LARP4B: variants seen among roughly 807,000 people sequenced by gnomAD.
LARP4B encodes the protein la-related protein 4B.
In LARP4B, 12 loss-of-function variants were observed where a neutral mutation model predicts 89.8. That is an observed-to-expected ratio of 0.13 (90% CI 0.09 to 0.22). The LOEUF is 0.22. Among genes scored for constraint, LARP4B ranks in the 10% least tolerant of loss-of-function variants. The pLI is 1.00. For synonymous variants in LARP4B, 367 were observed against 363.3 expected, an observed-to-expected ratio of 1.01 and a Z score of -0.12; for missense variants, 757 against 947.7, an observed-to-expected ratio of 0.80 and a Z score of 2.64.
At chr10:910,848 A>C (rs1427346786) in intron 1 of LARP4B, among the ~76,000 whole-genome samples, 1 of 152,188 alleles carries the variant, frequency 6.6e-6, no homozygotes, top group Non-Finnish European at 1.5e-5. Context: ...TTTCCTACTG[A>C]AAAGCACACA....
At chr10:870,442 GC>G (rs1835144608) in intron 3 of LARP4B, among the ~76,000 whole-genome samples, 1 of 152,164 alleles carries the variant, frequency 6.6e-6, no homozygotes. Flanking sequence ...GCGCTGCATC[GC>G]AGGGGGCACC....
intron 11 of LARP4B, 80 bp from the exon 12 acceptor site, chr10:825,950 A>G: frequency 1.1e-6 from 1 of 914,584 alleles, no homozygotes; most frequent in South Asian, 1.5e-5. Context: ...ATCTGTGGAA[A>G]CTGAGGGCAT....
chr10:834,024 C>A (rs1219510544), intron 8 of LARP4B, among the ~76,000 whole-genome samples: 6 of 151,988 alleles, frequency 3.9e-5, no homozygotes, highest in Admixed American at 3.9e-4. Flanking sequence ...AAAAGACATA[C>A]CATACTAATG....
In LARP4B at chr10:863,742, C is replaced by A. The variant is rs1404665129; in HGVS notation, c.430+1G>T. 1.9e-6 allele frequency: 3 copies of A among 1,601,758 alleles called. No individual in the cohort carries two copies. The highest frequency in any genetic ancestry group is 2.6e-6 in the Non-Finnish European group (3 of 1,175,278). ...AAAATGCACCCATAAGATATGTTTA[C>A]CTGTCTCGCTATTTTCAGGCAGAGA... On this transcript the variant is annotated splice_donor_variant, in intron 5 of 17. Coordinates refer to ENST00000316157, the MANE Select transcript of LARP4B (RefSeq NM_015155.3). LOFTEE classifies it high-confidence loss of function.
chr10:931,266 C>T (rs963374381), intron 1 of LARP4B, among the ~76,000 whole-genome samples, 162 bp downstream of exon 1: 13 of 150,638 alleles, frequency 8.6e-5, no homozygotes, highest in African/African-American at 3.2e-4. Context: ...CTCCTCAACC[C>T]GGCCCCGGCC....
At chr10:921,074 G>A (rs1355416537) in intron 1 of LARP4B, among the ~76,000 whole-genome samples, 1 of 152,090 alleles carries the variant, frequency 6.6e-6, no homozygotes, top group Non-Finnish European at 1.5e-5. Flanking sequence ...GGGAGTTCGA[G>A]AGCAGCCTGA....
At chr10:935,923 T>C (rs1273587677), upstream of LARP4B, among the ~76,000 whole-genome samples, 1 of 151,710 alleles carries the variant, frequency 6.6e-6, no homozygotes, top group Admixed American at 6.6e-5. Context: ...TTTTTGTTTT[T>C]AGTAGAGTCA....
the LARP4B span, among the ~76,000 whole-genome samples, chr10:954,529 G>A: frequency 2.0e-5 from 3 of 152,244 alleles, no homozygotes; most frequent in African/African-American, 4.8e-5. This position sits in a 1 kb window ranked among gnomAD's most constrained non-coding sequence, Gnocchi z 5.0. Context: ...GTTGGGCCCC[G>A]TGGAATGGGA....
At chr10:964,313 C>T in the LARP4B span, among the ~76,000 whole-genome samples, 2 of 152,226 alleles carry the variant, frequency 1.3e-5, no homozygotes, top group African/African-American at 4.8e-5. Context: ...GATCTGCCCG[C>T]CTCGGCCTCC....
At chr10:889,339 C>T (rs147862687) in intron 1 of LARP4B, among the ~76,000 whole-genome samples, 291 of 152,240 alleles carry the variant, frequency 1.9e-3, no homozygotes, top group African/African-American at 6.5e-3. Flanking sequence ...GGAACCATCC[C>T]CGAGAGGACA....
chr10:965,243 C>T, the LARP4B span, among the ~76,000 whole-genome samples: 7 of 152,200 alleles, frequency 4.6e-5, no homozygotes, highest in African/African-American at 1.2e-4. Context: ...CGGCTGTCGG[C>T]GTCTCCCACG....
At chr10:861,946 C>A (rs1312531055) in intron 5 of LARP4B, among the ~76,000 whole-genome samples, 1 of 152,148 alleles carries the variant, frequency 6.6e-6, no homozygotes, top group African/African-American at 2.4e-5. Context: ...GATGAGCATT[C>A]CTTTCCTTTG....
At chr10:919,895 C>T (rs565169735) in intron 1 of LARP4B, among the ~76,000 whole-genome samples, 8 of 152,188 alleles carry the variant, frequency 5.3e-5, no homozygotes, top group African/African-American at 1.7e-4. Context: ...TCTGATTACA[C>T]GATACAAACC....
intron 5 of LARP4B, among the ~76,000 whole-genome samples, chr10:854,269 C>T (rs12250937): frequency 0.17 from 25,220 of 152,176 alleles, 2,265 homozygotes; most frequent in Non-Finnish European, 0.19. Flanking sequence ...CTGGAATCAA[C>T]GCCTCTGGTT....
At chr10:975,128 T>C in the LARP4B span, among the ~76,000 whole-genome samples, 3 of 152,230 alleles carry the variant, frequency 2.0e-5, no homozygotes, top group Non-Finnish European at 4.4e-5. Flanking sequence ...AAAAATTTGA[T>C]GTTTAAAAGG....
the LARP4B span, among the ~76,000 whole-genome samples, chr10:983,262 G>A: frequency 6.6e-6 from 1 of 152,142 alleles, no homozygotes; most frequent in African/African-American, 2.4e-5. Flanking sequence ...GAGCTGAGAC[G>A]GAAACATTTA....
chr10:895,683 A>AAAAAG (rs571039690), intron 1 of LARP4B, among the ~76,000 whole-genome samples: 1 of 151,946 alleles, frequency 6.6e-6, no homozygotes, highest in Non-Finnish European at 1.5e-5. Flanking sequence ...AAAAAAAAAA[A>AAAAAG]AAAAGAAAAG....
the LARP4B span, among the ~76,000 whole-genome samples, chr10:938,686 A>G: frequency 6.6e-6 from 1 of 152,214 alleles, no homozygotes; most frequent in Non-Finnish European, 1.5e-5. Context: ...ATACACACAC[A>G]TATGAATGTG....
intron 5 of LARP4B, among the ~76,000 whole-genome samples, chr10:860,619 C>G (rs1288970313): frequency 6.6e-6 from 1 of 152,180 alleles, no homozygotes; most frequent in Non-Finnish European, 1.5e-5. Flanking sequence ...AAACTGTGAT[C>G]TATCCATATC....
Sources: allele counts gnomAD v4.1 joint callset (sites outside exome capture counted in the v4.1 genomes callset), GRCh38; gene constraint gnomAD v4.1.1; non-coding constraint Gnocchi (gnomAD v3.1); transcripts MANE v1.5; gene names NCBI Gene and HGNC (gene_info 2026-07-23, HGNC 2026-07-21).